CSMD1: variants seen among roughly 807,000 people sequenced by gnomAD.
The protein encoded by CSMD1 is CUB and sushi domain-containing protein 1.
In CSMD1, 213 loss-of-function variants were observed where a neutral mutation model predicts 417.5. The ratio of observed to expected loss-of-function variants is 0.51; its 90% confidence interval spans 0.46 to 0.57. CSMD1 has a LOEUF of 0.57. Ranked by LOEUF, CSMD1 falls within the 20% of genes least tolerant of loss-of-function variation. CSMD1 has a pLI of 0.00. For missense variants in CSMD1, 6,923 were observed against 4,529.7 expected (o/e 1.53, Z -15.17); for synonymous variants, 2,862 against 1,736.8 (o/e 1.65, Z -16.11).
chr8:3,194,835 G>A (rs1455691777), intron 33 of CSMD1, among the ~76,000 whole-genome samples: 1 of 151,980 alleles, frequency 6.6e-6, no homozygotes, highest in African/African-American at 2.4e-5. Flanking sequence ...CCTGGAAGAA[G>A]AAGCCTTGAG....
At chr8:4,565,854 T>C (rs1367217329) in intron 2 of CSMD1, among the ~76,000 whole-genome samples, 2 of 148,092 alleles carry the variant, frequency 1.4e-5, no homozygotes, top group African/African-American at 5.0e-5. Flanking sequence ...AATTTAGTCA[T>C]TCCAGATTTT....
rs188113339 is a variant in CSMD1 at position 3,854,269 on chromosome 8, T to C, written c.819-100227A>G. ...AGGAGTAATACATTTAACTCCAAAA[T>C]ATGATCAATAATTCTTGTAAGGTGA... On this transcript the variant is annotated intron_variant, in intron 5 of 69. Coordinates refer to ENST00000635120, the MANE Select transcript of CSMD1 (RefSeq NM_033225.6). Among the ~76,000 whole-genome samples the C allele has an allele frequency of 2.6e-4, 40 of 151,456 alleles. No individual in the cohort carries two copies. The East Asian group carries it at 5.2e-3, about 20-fold the overall frequency.
chr8:3,696,142 G>C (rs574765472), intron 7 of CSMD1, among the ~76,000 whole-genome samples: 16 of 152,268 alleles, frequency 1.1e-4, no homozygotes, highest in African/African-American at 3.9e-4. Context: ...GGTTTTCCCA[G>C]ATACATAATG....
intron 5 of CSMD1, among the ~76,000 whole-genome samples, chr8:3,944,815 C>T (rs1239409178): frequency 9.2e-5 from 14 of 152,130 alleles, no homozygotes; most frequent in South Asian, 2.1e-4. Context: ...TTTCTTCCCC[C>T]GCCAATCCAA....
chr8:3,636,046 C>A (rs1797030240), intron 7 of CSMD1, among the ~76,000 whole-genome samples: 1 of 151,264 alleles, frequency 6.6e-6, no homozygotes, highest in Admixed American at 6.6e-5. Flanking sequence ...GTCTTAATAT[C>A]CTTACTCTAT....
chr8:4,383,250 C>T (rs1344459384), intron 3 of CSMD1, among the ~76,000 whole-genome samples: 2 of 152,264 alleles, frequency 1.3e-5, no homozygotes, highest in East Asian at 3.9e-4. Flanking sequence ...TTCTGAGCAG[C>T]ATTGTCTAGT....
intron 3 of CSMD1, among the ~76,000 whole-genome samples, chr8:4,271,271 G>A (rs1333295944): frequency 6.6e-6 from 1 of 152,112 alleles, no homozygotes; most frequent in Non-Finnish European, 1.5e-5. Flanking sequence ...GAAGCTGTAG[G>A]GGTTGGTGCC....
intron 5 of CSMD1, among the ~76,000 whole-genome samples, chr8:3,764,896 C>T (rs1798189574): frequency 6.6e-6 from 1 of 151,830 alleles, no homozygotes; most frequent in South Asian, 2.1e-4. Flanking sequence ...AAGGTGACTG[C>T]CACCACACCC....
intron 18 of CSMD1, among the ~76,000 whole-genome samples, chr8:3,372,297 C>G (rs554008851): frequency 6.6e-6 from 1 of 152,098 alleles, no homozygotes; most frequent in Non-Finnish European, 1.5e-5. Context: ...GGACAGGGAA[C>G]AGAAAGGACA....
chr8:4,982,198 C>T (rs757858074), intron 1 of CSMD1, among the ~76,000 whole-genome samples: 13 of 152,158 alleles, frequency 8.5e-5, no homozygotes, highest in African/African-American at 1.2e-4. Flanking sequence ...CCCTGACCCA[C>T]GGAAACTATC....
At chr8:4,548,212 G>A (rs1797716607) in intron 2 of CSMD1, among the ~76,000 whole-genome samples, 1 of 152,010 alleles carries the variant, frequency 6.6e-6, no homozygotes, top group African/African-American at 2.4e-5. Flanking sequence ...GTCAAAAATT[G>A]GCATTTAATA....
intron 12 of CSMD1, among the ~76,000 whole-genome samples, chr8:3,443,346 A>G (rs887112111): frequency 1.3e-5 from 2 of 152,154 alleles, no homozygotes; most frequent in Admixed American, 6.6e-5. Flanking sequence ...GAGAGAGAGA[A>G]AGAGAAAGAG....
At chr8:4,063,673 G>T (rs1310785482) in intron 3 of CSMD1, among the ~76,000 whole-genome samples, 1 of 152,172 alleles carries the variant, frequency 6.6e-6, no homozygotes, top group African/African-American at 2.4e-5. Flanking sequence ...CATTCTACCA[G>T]GAAGGATAAG....
At chr8:4,099,945 T>A (rs1456373809) in intron 3 of CSMD1, among the ~76,000 whole-genome samples, 1 of 152,174 alleles carries the variant, frequency 6.6e-6, no homozygotes. Context: ...CAATAGTGAA[T>A]AAAAATACTC....
At chr8:4,746,214 GGAATCACC>G (rs1215688745) in intron 1 of CSMD1, among the ~76,000 whole-genome samples, 1 of 151,920 alleles carries the variant, frequency 6.6e-6, no homozygotes, top group Non-Finnish European at 1.5e-5. Flanking sequence ...CCTTTTCCAT[GGAATCACC>G]GAAAACGTAT....
chr8:4,375,088 C>G (rs1369003073), intron 3 of CSMD1, among the ~76,000 whole-genome samples: 1 of 151,742 alleles, frequency 6.6e-6, no homozygotes, highest in African/African-American at 2.4e-5. Context: ...TATTTCCAGG[C>G]ATGTTCATTG....
chr8:4,146,856 C>G (rs948169196), intron 3 of CSMD1, among the ~76,000 whole-genome samples: 1 of 147,448 alleles, frequency 6.8e-6, no homozygotes, highest in Non-Finnish European at 1.5e-5. Flanking sequence ...GTGATCCGCC[C>G]GCCTCAGCCT....
chr8:4,781,790 C>T (rs1310879402), intron 1 of CSMD1, among the ~76,000 whole-genome samples: 1 of 152,158 alleles, frequency 6.6e-6, no homozygotes, highest in Non-Finnish European at 1.5e-5. Context: ...GAATAATGAT[C>T]ATGCAGCTTC....
At chr8:3,703,799 G>T (rs1279959166) in intron 7 of CSMD1, among the ~76,000 whole-genome samples, 2 of 152,136 alleles carry the variant, frequency 1.3e-5, no homozygotes, top group Non-Finnish European at 2.9e-5. Flanking sequence ...AGCTGGGCAT[G>T]GTGGCTCATG....
Sources: gnomAD v4.1 joint callset for allele counts (sites outside exome capture counted in the v4.1 genomes callset) on GRCh38, gnomAD v4.1.1 for gene constraint, MANE v1.5 for transcripts, NCBI Gene and HGNC (gene_info 2026-07-23, HGNC 2026-07-21) for gene names.